The following RNF180 variants were observed in gnomAD, a reference collection of about 807,000 sequenced individuals.
RNF180 encodes ring finger protein 180.
A neutral mutation model predicts 59.2 loss-of-function variants in RNF180; 38 were observed. The observed-to-expected ratio is 0.64, with a 90% CI of 0.50 to 0.84. RNF180 has a LOEUF of 0.84. RNF180 is among the 40% of genes least tolerant of loss of function. The pLI is 0.00. For synonymous variants in RNF180, 262 were observed against 240.3 expected (o/e 1.09, Z -0.84); for missense variants, 705 against 700.9 (o/e 1.01, Z -0.07).
intron 6 of RNF180, among the ~76,000 whole-genome samples, chr5:64,327,983 T>C (rs1312771780): frequency 6.6e-6 from 1 of 152,176 alleles, no homozygotes; most frequent in Non-Finnish European, 1.5e-5. Flanking sequence ...ATAATTATTA[T>C]ATTCTCTTGC....
At chr5:64,331,292 A>G (rs1451550419) in intron 7 of RNF180, among the ~76,000 whole-genome samples, 2 of 152,148 alleles carry the variant, frequency 1.3e-5, no homozygotes. Flanking sequence ...CAGAAAGGGG[A>G]CAGGTCCCTG....
intron 7 of RNF180, among the ~76,000 whole-genome samples, chr5:64,338,997 T>C (rs746407768): frequency 2.0e-5 from 3 of 152,164 alleles, no homozygotes; most frequent in Non-Finnish European, 4.4e-5. Context: ...CTGTGTTTTG[T>C]CAATTTCTTC....
At chr5:64,353,642 C>T (rs1161860891) in intron 7 of RNF180, among the ~76,000 whole-genome samples, 4 of 151,450 alleles carry the variant, frequency 2.6e-5, no homozygotes, top group Non-Finnish European at 5.9e-5. Flanking sequence ...GCCCTATTAA[C>T]TAAGGAAAAA....
intron 2 of RNF180, among the ~76,000 whole-genome samples, chr5:64,205,529 T>G (rs2112079419): frequency 6.6e-6 from 1 of 152,232 alleles, no homozygotes; most frequent in South Asian, 2.1e-4. Context: ...TTTTAGTTAG[T>G]TTTGTTATGG....
At chr5:64,232,700 A>G (rs1742170401) in intron 5 of RNF180, among the ~76,000 whole-genome samples, 2 of 152,252 alleles carry the variant, frequency 1.3e-5, no homozygotes, top group South Asian at 4.1e-4. Flanking sequence ...GTGGGAGTCA[A>G]AAGAATGGCA....
At chr5:64,169,202 G>A (rs550231286) in intron 1 of RNF180, among the ~76,000 whole-genome samples, 1 of 152,282 alleles carries the variant, frequency 6.6e-6, no homozygotes, top group Non-Finnish European at 1.5e-5. Context: ...ATCTCTTCGG[G>A]CCTAGTGGAG....
intron 1 of RNF180, among the ~76,000 whole-genome samples, chr5:64,193,396 A>G (rs1751282939): frequency 6.6e-6 from 1 of 152,198 alleles, no homozygotes; most frequent in Non-Finnish European, 1.5e-5. Context: ...CATATGTCCA[A>G]ACTCATCAAA....
At chr5:64,352,217 T>C (rs1456835958) in intron 7 of RNF180, among the ~76,000 whole-genome samples, 1 of 152,126 alleles carries the variant, frequency 6.6e-6, no homozygotes, top group Non-Finnish European at 1.5e-5. Flanking sequence ...TCTCTGATGG[T>C]AGTTTGTATT....
chr5:64,363,574 T>G (rs1746338011), intron 7 of RNF180, among the ~76,000 whole-genome samples: 1 of 151,944 alleles, frequency 6.6e-6, no homozygotes, highest in Non-Finnish European at 1.5e-5. Flanking sequence ...ATTCAGGCTC[T>G]TTTTTGGTTC....
At chr5:64,184,716 C>A (rs1750788537) in intron 1 of RNF180, among the ~76,000 whole-genome samples, 1 of 152,064 alleles carries the variant, frequency 6.6e-6, no homozygotes, top group African/African-American at 2.4e-5. Flanking sequence ...TATAAAGTAT[C>A]CCTGGGCTGG....
intron 7 of RNF180, among the ~76,000 whole-genome samples, chr5:64,353,332 T>C (rs746876642): frequency 2.6e-5 from 4 of 151,874 alleles, no homozygotes; most frequent in East Asian, 1.9e-4. Flanking sequence ...ATAAACTGAA[T>C]GCTATTAAAG....
At position 64,196,366 on chromosome 5, in the gene RNF180, G is replaced by A. The variant is rs191138671; in HGVS notation, c.1-4442G>A. ...CATCAAGTATTATATAATTGCTAATGTTTTCGATAAACTCCCTTTCTCTCA... is the reference window on the plus strand; with the variant it reads ...CATCAAGTATTATATAATTGCTAATATTTTCGATAAACTCCCTTTCTCTCA... On this transcript the variant is annotated intron_variant, in intron 1 of 7. Coordinates refer to ENST00000389100, the MANE Select transcript of RNF180 (RefSeq NM_001113561.2). Among the ~76,000 whole-genome samples, 53 of 152,154 alleles carry A rather than the reference G, an allele frequency of 3.5e-4. 1 individual carries two copies. The East Asian group carries it at 9.5e-3, about 27-fold the overall frequency.
At chr5:64,180,588 G>C (rs939496132) in intron 1 of RNF180, among the ~76,000 whole-genome samples, 1 of 152,074 alleles carries the variant, frequency 6.6e-6, no homozygotes, top group Admixed American at 6.5e-5. Flanking sequence ...GCAGGAGGAA[G>C]TACCTTAATT....
chr5:64,250,910 GA>G (rs1554036223), intron 5 of RNF180, among the ~76,000 whole-genome samples: 3 of 152,024 alleles, frequency 2.0e-5, no homozygotes, highest in Non-Finnish European at 2.9e-5. Context: ...AATAAAAAGA[GA>G]AAACTACAGT....
intron 7 of RNF180, among the ~76,000 whole-genome samples, chr5:64,359,734 G>C (rs1016774939): frequency 6.6e-6 from 1 of 151,468 alleles, no homozygotes; most frequent in African/African-American, 2.4e-5. Context: ...GAATGGTAAT[G>C]CCTAGGTTTT....
chr5:64,206,735 T>A (rs1384250541), intron 2 of RNF180, among the ~76,000 whole-genome samples: 1 of 152,038 alleles, frequency 6.6e-6, no homozygotes, highest in Non-Finnish European at 1.5e-5. Context: ...AGCATAAAGA[T>A]GGGGCCTTAA....
chr5:64,267,159 T>C (rs1470009532), intron 5 of RNF180, among the ~76,000 whole-genome samples: 9 of 151,958 alleles, frequency 5.9e-5, no homozygotes, highest in Non-Finnish European at 5.9e-5. Flanking sequence ...TGATAAACTG[T>C]AGTTAAGAAA....
chr5:64,167,416 C>A (rs185904819), intron 1 of RNF180, among the ~76,000 whole-genome samples: 1 of 152,180 alleles, frequency 6.6e-6, no homozygotes, highest in Admixed American at 6.5e-5. Context: ...TTTTCTTCCT[C>A]TCTTTCATTT....
chr5:64,369,720 A>C lies in RNF180; in HGVS notation c.1685A>C (p.Asp562Ala). Reference sequence around the variant, plus strand: ...GATGATAGCCGTGGATGGTGGTTTGACATGGATATGGTGATCATATATATT... The same window carrying C: ...GATGATAGCCGTGGATGGTGGTTTGCCATGGATATGGTGATCATATATATT... ...FEDDSRGWWF[D>A]MDMVIIYIYS... Residue 562 changes from aspartate to alanine, a missense_variant, in exon 8 of 8, where the codon GAC (aspartate) becomes GCC (alanine). Transcript: ENST00000389100. 1 of 1,548,308 alleles carries C rather than the reference A, an allele frequency of 6.5e-7. No homozygotes were observed. Among genetic ancestry groups the C allele is most frequent in the Non-Finnish European group, 8.7e-7 (1 of 1,145,002 alleles).
Sources: allele counts gnomAD v4.1 joint callset (sites outside exome capture counted in the v4.1 genomes callset), GRCh38; gene constraint gnomAD v4.1.1; transcripts MANE v1.5; gene names NCBI Gene and HGNC (gene_info 2026-07-23, HGNC 2026-07-21).